Variants in NAV1 observed in about 807,000 individuals in gnomAD.
The protein encoded by NAV1 is pore membrane and/or filament interacting like protein 3.
Under a neutral mutation model 175.2 loss-of-function variants are expected in NAV1, and 18 were observed. The ratio of observed to expected loss-of-function variants is 0.10; its 90% CI spans 0.07 to 0.15. The LOEUF (loss-of-function observed/expected upper bound fraction) is 0.15, where lower values mean the gene tolerates loss of function less well. Ranked by LOEUF, NAV1 falls within the 10% of genes least tolerant of loss-of-function variation. The pLI, the probability that NAV1 is intolerant of heterozygous loss-of-function variation, is 1.00. For missense variants in NAV1, 1,731 were observed against 2,436.6 expected, an observed-to-expected ratio of 0.71 and a Z score of 6.10; for synonymous variants, 897 against 978.7, an observed-to-expected ratio of 0.92 and a Z score of 1.56.
At chr1:201,749,830 C>T (rs867048610) in intron 3 of NAV1, among the ~76,000 whole-genome samples, 5 of 152,120 alleles carry the variant, frequency 3.3e-5, no homozygotes, top group Non-Finnish European at 7.4e-5. Context: ...GAGCCTAGGA[C>T]GTCGAGGCTG....
intron 2 of NAV1, among the ~76,000 whole-genome samples, chr1:201,632,744 C>G (rs577147347): frequency 6.6e-6 from 1 of 152,308 alleles, no homozygotes; most frequent in South Asian, 2.1e-4. Flanking sequence ...CCTTCTCACA[C>G]GAGGGTTGAT....
chr1:201,773,241 G>T (rs1277653340), intron 3 of NAV1, among the ~76,000 whole-genome samples: 2 of 152,130 alleles, frequency 1.3e-5, no homozygotes, highest in Non-Finnish European at 2.9e-5. Flanking sequence ...CAGAGACAGG[G>T]TCTCACTATG....
chr1:201,560,684 C>T (rs371348598), intron 1 of NAV1, among the ~76,000 whole-genome samples: 9 of 152,320 alleles, frequency 5.9e-5, no homozygotes, highest in East Asian at 1.9e-4. Context: ...TCACTGTTCC[C>T]GTGGAAAGAC....
At chr1:201,642,536 T>C (rs1668811667) in intron 2 of NAV1, among the ~76,000 whole-genome samples, 1 of 118,768 alleles carries the variant, frequency 8.4e-6, no homozygotes, top group Non-Finnish European at 1.9e-5. Flanking sequence ...TTTCTTTCTT[T>C]CTTTCTTTCT....
chr1:201,566,104 C>T (rs1423885431), intron 1 of NAV1, among the ~76,000 whole-genome samples: 1 of 152,220 alleles, frequency 6.6e-6, no homozygotes. Flanking sequence ...AGGGGCCTCC[C>T]CCACACTCTG....
chr1:201,759,733 C>G (rs947535785), intron 3 of NAV1, among the ~76,000 whole-genome samples: 4 of 152,190 alleles, frequency 2.6e-5, no homozygotes, highest in African/African-American at 9.7e-5. Context: ...ACATGGATTG[C>G]TTTGCTACAA....
intron 2 of NAV1, among the ~76,000 whole-genome samples, chr1:201,607,870 T>TTTTGTGTGTGTGTG (rs565100210): frequency 2.4e-4 from 33 of 138,276 alleles, no homozygotes; most frequent in African/African-American, 8.7e-4. Context: ...GATAACTTTA[T>TTTTGTGTGTGTGTG]TGTGTGTGTG....
intron 1 of NAV1, among the ~76,000 whole-genome samples, chr1:201,558,159 T>A (rs192461059): frequency 1.3e-5 from 2 of 152,182 alleles, no homozygotes; most frequent in African/African-American, 4.8e-5. Flanking sequence ...AAACTGACGA[T>A]ATGTAGATAA....
chr1:201,764,955 G>A (rs991768450), intron 3 of NAV1, among the ~76,000 whole-genome samples: 3 of 152,316 alleles, frequency 2.0e-5, no homozygotes, highest in Non-Finnish European at 4.4e-5. Context: ...CTGGACCTAT[G>A]GCCCTATTGC....
intron 1 of NAV1, among the ~76,000 whole-genome samples, chr1:201,703,768 G>T (rs2102449528): frequency 6.6e-6 from 1 of 152,192 alleles, no homozygotes; most frequent in East Asian, 1.9e-4. Context: ...ATCCGCGTGG[G>T]GCTGCCCTGT....
At chr1:201,762,078 T>C (rs923131291) in intron 3 of NAV1, among the ~76,000 whole-genome samples, 4 of 152,186 alleles carry the variant, frequency 2.6e-5, no homozygotes, top group African/African-American at 9.7e-5. Flanking sequence ...GAGGATCCCT[T>C]GAGCTCTGGA....
At chr1:201,786,946 C>T (rs1676797262) in intron 9 of NAV1, among the ~76,000 whole-genome samples, 1 of 152,220 alleles carries the variant, frequency 6.6e-6, no homozygotes, top group African/African-American at 2.4e-5. Flanking sequence ...GAGGGCAATA[C>T]TGAAATGTCA....
At chr1:201,821,964 G>C (rs1679410519) in exon 30 of NAV1, 1 of 152,514 alleles carries the variant, frequency 6.6e-6, no homozygotes, top group Admixed American at 6.6e-5. Context: ...TACCAACCTG[G>C]ATCACTCTTC....
exon 7 of NAV1, chr1:201,783,551 G>A (rs1676480393): frequency 1.2e-5 from 20 of 1,614,066 alleles, no homozygotes; most frequent in Non-Finnish European, 1.6e-5. Flanking sequence ...AGCATCTGGG[G>A]GCCCTCTCCC....
intron 3 of NAV1, among the ~76,000 whole-genome samples, chr1:201,752,232 C>G (rs1674158237): frequency 6.6e-6 from 1 of 152,196 alleles, no homozygotes. Flanking sequence ...CAAAGCCCTC[C>G]AAGGCCGGAT....
intron 13 of NAV1, chr1:201,791,397 AT>A (rs1677106445): frequency 6.6e-6 from 1 of 152,550 alleles, no homozygotes; most frequent in South Asian, 2.1e-4. Context: ...GAACGAGTCT[AT>A]TTCTTTAGAC....
intron 2 of NAV1, among the ~76,000 whole-genome samples, chr1:201,611,603 C>T (rs1252006410): frequency 6.6e-6 from 1 of 152,180 alleles, no homozygotes; most frequent in Non-Finnish European, 1.5e-5. Context: ...TACTTCCTCT[C>T]AAGCATAGGA....
At position 201,636,826 on chromosome 1, in the gene NAV1, G is replaced by A. The variant is rs75630363; in HGVS notation, c.4+7319G>A. Among the ~76,000 whole-genome samples, 127 of 152,260 alleles carry A rather than the reference G, an allele frequency of 8.3e-4. 1 individual carries two copies. Among genetic ancestry groups the A allele is most frequent in the Middle Eastern group, 3.4e-3 (1 of 294 alleles). The stretch of plus-strand genomic sequence containing the variant: ...TCATATAAACACTGGCACAGTCCAG[G>A]GGCAAAAGCTGACCTCATGAGCTCA... On this transcript the variant is annotated intron_variant, in intron 2 of 29. Coordinates refer to the NAV1 transcript ENST00000367302.
At chr1:201,554,613 C>T (rs1665958630) in intron 1 of NAV1, among the ~76,000 whole-genome samples, 1 of 152,156 alleles carries the variant, frequency 6.6e-6, no homozygotes, top group Non-Finnish European at 1.5e-5. Context: ...ATGGGAGGGA[C>T]ACAACAGAGA....
Sources: allele counts gnomAD v4.1 joint callset (sites outside exome capture counted in the v4.1 genomes callset), GRCh38; gene constraint gnomAD v4.1.1; transcripts MANE v1.5; gene names NCBI Gene and HGNC (gene_info 2026-07-23, HGNC 2026-07-21).